The following DLGAP2 variants were observed in gnomAD, a reference collection of about 807,000 sequenced individuals.
DLGAP2 encodes the protein DLG associated protein 2, also known as disks large-associated protein 2.
In DLGAP2, 26 loss-of-function variants were observed where a neutral mutation model predicts 100.3. That is an observed-to-expected ratio of 0.26 (90% CI 0.19 to 0.36). DLGAP2 has a LOEUF of 0.36. Among genes scored for constraint, DLGAP2 ranks in the 10% least tolerant of loss-of-function variants. The probability of loss-of-function intolerance (pLI) is 1.00; values close to 1 mark genes in which losing one functional copy is unlikely to be tolerated. For synonymous variants in DLGAP2, 886 were observed against 630.1 expected (o/e 1.41, Z -6.08); for missense variants, 1,858 against 1,453.2 (o/e 1.28, Z -4.53).
chr8:1,693,876 CT>C (rs1799314514), intron 13 of DLGAP2, among the ~76,000 whole-genome samples: 1 of 152,174 alleles, frequency 6.6e-6, no homozygotes, highest in Admixed American at 6.5e-5. Context: ...TGTGAACGTT[CT>C]TGCCTCCTCC....
At chr8:795,219 G>C (rs1795998648) in intron 1 of DLGAP2, among the ~76,000 whole-genome samples, 1 of 152,156 alleles carries the variant, frequency 6.6e-6, no homozygotes, top group South Asian at 2.1e-4. Flanking sequence ...CTCTAGCCAG[G>C]GCAATTTTGT....
At chr8:1,104,294 G>T (rs949662538) in intron 2 of DLGAP2, among the ~76,000 whole-genome samples, 6 of 152,096 alleles carry the variant, frequency 3.9e-5, no homozygotes, top group African/African-American at 1.4e-4. Flanking sequence ...GAGCTCAGGA[G>T]TGGGTTCCAG....
chr8:1,410,103 A>G (rs1796685722), intron 3 of DLGAP2, among the ~76,000 whole-genome samples: 1 of 152,166 alleles, frequency 6.6e-6, no homozygotes. Context: ...CTCCCCAGGA[A>G]TGCCAGACGC....
intron 1 of DLGAP2, among the ~76,000 whole-genome samples, chr8:786,485 C>T (rs1307730838): frequency 1.3e-5 from 2 of 152,148 alleles, no homozygotes; most frequent in Non-Finnish European, 2.9e-5. Context: ...CGTTTTCTTC[C>T]CACCCCCACA....
intron 3 of DLGAP2, among the ~76,000 whole-genome samples, chr8:1,424,270 G>C (rs1377809946): frequency 6.6e-6 from 1 of 152,214 alleles, no homozygotes; most frequent in Non-Finnish European, 1.5e-5. Flanking sequence ...CCCTTCTGTA[G>C]TCTGCATCTA....
At chr8:920,315 A>C (rs1390763653) in intron 2 of DLGAP2, among the ~76,000 whole-genome samples, 2 of 152,240 alleles carry the variant, frequency 1.3e-5, no homozygotes, top group Non-Finnish European at 2.9e-5. Flanking sequence ...ATGTTTGCAC[A>C]GTTTAGGCAC....
chr8:1,551,798 T>G (rs1801776243), intron 5 of DLGAP2, among the ~76,000 whole-genome samples: 1 of 149,038 alleles, frequency 6.7e-6, no homozygotes, highest in African/African-American at 2.5e-5. Flanking sequence ...CACGGAATGA[T>G]GAGTACGCTT....
intron 5 of DLGAP2, among the ~76,000 whole-genome samples, chr8:1,558,689 A>G (rs1208403883): frequency 6.6e-6 from 1 of 151,492 alleles, no homozygotes; most frequent in African/African-American, 2.4e-5. Context: ...ACACCCGTAT[A>G]CCTGCACACA....
At chr8:1,276,701 C>G (rs534671889) in intron 3 of DLGAP2, among the ~76,000 whole-genome samples, 2 of 151,980 alleles carry the variant, frequency 1.3e-5, no homozygotes, top group Non-Finnish European at 2.9e-5. Context: ...ACAAGACACT[C>G]TTGTTCACAT....
At chr8:964,786 C>T (rs1254743310) in intron 2 of DLGAP2, among the ~76,000 whole-genome samples, 2 of 152,236 alleles carry the variant, frequency 1.3e-5, no homozygotes, top group East Asian at 3.9e-4. Context: ...CTTCTTGCTG[C>T]TCTGTGCAGA....
At chr8:1,005,499 C>G (rs1265011612) in intron 2 of DLGAP2, among the ~76,000 whole-genome samples, 2 of 151,352 alleles carry the variant, frequency 1.3e-5, no homozygotes, top group East Asian at 2.0e-4. Flanking sequence ...GCCTCAACCT[C>G]CTGGCCTCAA....
rs1799529833 is a variant in DLGAP2 at position 1,495,840 on chromosome 8, C to G, written c.107-5526C>G. ...CTAATCACCCGGACTCAGCGCATCTCTATGTTAAATAGCGCGTGTCCATCT... is the reference window on the plus strand; with the variant it reads ...CTAATCACCCGGACTCAGCGCATCTGTATGTTAAATAGCGCGTGTCCATCT... On this transcript the variant is annotated intron_variant, in intron 3 of 14. Transcript: ENST00000637795. 2.6e-5 allele frequency among the ~76,000 whole-genome samples: 4 copies of G among 152,180 alleles called. No homozygotes were observed. In the South Asian group the frequency reaches 8.3e-4, roughly 31 times the overall value.
At chr8:1,696,221 G>A (rs1799395224) in intron 13 of DLGAP2, among the ~76,000 whole-genome samples, 1 of 152,220 alleles carries the variant, frequency 6.6e-6, no homozygotes, top group African/African-American at 2.4e-5. Flanking sequence ...TAGGGAGCAA[G>A]CCGGGCACGG....
At chr8:1,196,568 A>G (rs2116744382) in intron 2 of DLGAP2, among the ~76,000 whole-genome samples, 1 of 152,334 alleles carries the variant, frequency 6.6e-6, no homozygotes, top group Middle Eastern at 3.4e-3. Flanking sequence ...AAGAATAATG[A>G]CAAAAAAGTG....
At chr8:1,001,193 C>G (rs896876967) in intron 2 of DLGAP2, among the ~76,000 whole-genome samples, 1 of 152,146 alleles carries the variant, frequency 6.6e-6, no homozygotes, top group African/African-American at 2.4e-5. Context: ...TTGGAGGAGA[C>G]TGGAGAGCTT....
intron 2 of DLGAP2, among the ~76,000 whole-genome samples, chr8:954,749 G>T (rs1020790460): frequency 2.6e-5 from 4 of 152,284 alleles, no homozygotes; most frequent in African/African-American, 9.6e-5. Context: ...GCATGACACT[G>T]GTTAGCCTGG....
At chr8:1,616,140 G>A (rs1393141475) in intron 6 of DLGAP2, among the ~76,000 whole-genome samples, 1 of 152,048 alleles carries the variant, frequency 6.6e-6, no homozygotes, top group Non-Finnish European at 1.5e-5. Flanking sequence ...GTTTAAGAGC[G>A]AATTGAGAGA....
chr8:1,565,472 G>A (rs1802359197), intron 5 of DLGAP2: 1 of 522,094 alleles, frequency 1.9e-6, no homozygotes, highest in African/African-American at 1.9e-5. Context: ...TATCCATAGT[G>A]TTTACCTATC....
intron 1 of DLGAP2, among the ~76,000 whole-genome samples, chr8:762,911 C>G (rs1049697431): frequency 2.0e-5 from 3 of 152,140 alleles, no homozygotes; most frequent in African/African-American, 7.2e-5. Context: ...CTCCTGGGCT[C>G]AAGCAGTCAC....
Sources: allele counts gnomAD v4.1 joint callset (sites outside exome capture counted in the v4.1 genomes callset), GRCh38; gene constraint gnomAD v4.1.1; transcripts MANE v1.5; gene names NCBI Gene and HGNC (gene_info 2026-07-23, HGNC 2026-07-21).